Variants in FAM240B observed in about 807,000 individuals in gnomAD.
FAM240B encodes family with sequence similarity 240 member B, also known as protein FAM240B.
At chr9:38,698,224 C>CA (rs1294892279) in intron 2 of FAM240B, among the ~76,000 whole-genome samples, 10 of 151,698 alleles carry the variant, frequency 6.6e-5, no homozygotes, top group Non-Finnish European at 8.8e-5. Context: ...TTATAAATAG[C>CA]AAAAAAAATT....
At chr9:38,700,228 T>C (rs867667585) in intron 2 of FAM240B, among the ~76,000 whole-genome samples, 13 of 152,238 alleles carry the variant, frequency 8.5e-5, no homozygotes, top group African/African-American at 3.1e-4. Flanking sequence ...AAGTTTGAAA[T>C]AGCGATTTCA....
chr9:38,714,322 G>GT (rs1821287423), intron 1 of FAM240B, among the ~76,000 whole-genome samples: 1 of 152,110 alleles, frequency 6.6e-6, no homozygotes, highest in African/African-American at 2.4e-5. Flanking sequence ...ATTGATCAGT[G>GT]GTAAAAATGA....
intron 1 of FAM240B, among the ~76,000 whole-genome samples, chr9:38,708,574 G>T (rs1290836168): frequency 6.6e-6 from 1 of 152,168 alleles, no homozygotes; most frequent in Non-Finnish European, 1.5e-5. Flanking sequence ...GTGACTTTGA[G>T]CAAGAAAGCC....
At chr9:38,717,806 T>C (rs945164506) in intron 1 of FAM240B, among the ~76,000 whole-genome samples, 4 of 152,168 alleles carry the variant, frequency 2.6e-5, no homozygotes, top group Non-Finnish European at 5.9e-5. Flanking sequence ...TTTACACTGT[T>C]AGCAAAGATG....
chr9:38,716,717 T>C (rs965667280), intron 1 of FAM240B, among the ~76,000 whole-genome samples: 1 of 152,216 alleles, frequency 6.6e-6, no homozygotes, highest in African/African-American at 2.4e-5. Context: ...AAACTGCCAG[T>C]CCAGTGGCTA....
chr9:38,717,535 C>T (rs1821320999), intron 1 of FAM240B, among the ~76,000 whole-genome samples: 1 of 152,236 alleles, frequency 6.6e-6, no homozygotes, highest in Non-Finnish European at 1.5e-5. Context: ...GGCTGGAGTG[C>T]AGTGGCGCAA....
At chr9:38,709,873 A>T (rs1442032610) in intron 1 of FAM240B, among the ~76,000 whole-genome samples, 1 of 152,190 alleles carries the variant, frequency 6.6e-6, no homozygotes, top group East Asian at 1.9e-4. Context: ...AGAGGTGCAC[A>T]CTCACGTGCC....
At chr9:38,701,302 T>A (rs77701072) in intron 2 of FAM240B, among the ~76,000 whole-genome samples, 3,970 of 152,216 alleles carry the variant, frequency 0.026, 163 homozygotes, top group African/African-American at 0.09. Context: ...TATTACTTTG[T>A]TAGGACAATG....
chr9:38,697,040 G>T (rs887203047), intron 2 of FAM240B, among the ~76,000 whole-genome samples: 2 of 152,110 alleles, frequency 1.3e-5, no homozygotes, highest in African/African-American at 4.8e-5. Context: ...CCAAATACAT[G>T]ACTTTTGTCA....
intron 2 of FAM240B, among the ~76,000 whole-genome samples, chr9:38,702,227 T>C (rs1350991817): frequency 6.6e-6 from 1 of 152,162 alleles, no homozygotes; most frequent in Non-Finnish European, 1.5e-5. Flanking sequence ...TCTTCTAGCA[T>C]GTAGGAAGGC....
At chr9:38,705,612 T>C (rs889412664) in intron 1 of FAM240B, 3 of 149,466 alleles carry the variant, frequency 2.0e-5, no homozygotes, top group African/African-American at 7.4e-5. Context: ...AAAAAAAGCT[T>C]CAGAGAAGAA....
chr9:38,710,279 T>C (rs1334854349), intron 1 of FAM240B, among the ~76,000 whole-genome samples: 1 of 152,210 alleles, frequency 6.6e-6, no homozygotes, highest in Non-Finnish European at 1.5e-5. Flanking sequence ...TTGATGTCTT[T>C]TAAATTCCCT....
chr9:38,694,594 G>C lies in FAM240B; in HGVS notation c.*182C>G. 2.5e-6 allele frequency: 1 copy of C among 392,776 alleles called. No individual in the cohort carries two copies. The highest frequency in any genetic ancestry group is 4.5e-6 in the Non-Finnish European group (1 of 222,920). The allele number at this position is 392,776 out of a possible 1,614,324, so 24.3% of individuals were successfully genotyped here. A position where few individuals can be genotyped will look rare whatever the true frequency, so the allele number is the denominator to read the frequency against. On this transcript the variant is annotated 3_prime_UTR_variant, in exon 3 of 3. Coordinates refer to ENST00000637493, the MANE Select transcript of FAM240B (RefSeq NM_001394922.1). Reference sequence around the variant, plus strand: ...GGTCATCCTGTCCTCTGTGCGGAGGGGATTGAGCAGGATAATAACTCCCAT... The same window carrying C: ...GGTCATCCTGTCCTCTGTGCGGAGGCGATTGAGCAGGATAATAACTCCCAT...
At chr9:38,713,017 C>T (rs1442145510) in intron 1 of FAM240B, among the ~76,000 whole-genome samples, 2 of 152,172 alleles carry the variant, frequency 1.3e-5, no homozygotes, top group African/African-American at 2.4e-5. Context: ...GCAAGGGTCT[C>T]GCTTGGATCC....
At chr9:38,695,017 T>C in intron 2 of FAM240B, 148 bp from the exon 3 acceptor site, 2 of 394,112 alleles carry the variant, frequency 5.1e-6, no homozygotes, top group Non-Finnish European at 8.9e-6. Context: ...GTTCTCATTG[T>C]TCAACTCCCA....
chr9:38,716,332 C>G (rs1199794457), intron 1 of FAM240B, among the ~76,000 whole-genome samples: 2 of 152,124 alleles, frequency 1.3e-5, no homozygotes, highest in Non-Finnish European at 2.9e-5. Flanking sequence ...ATTAGCCAGG[C>G]ATGGTGCCCC....
At chr9:38,715,295 T>C (rs1209624884) in intron 1 of FAM240B, among the ~76,000 whole-genome samples, 4 of 152,212 alleles carry the variant, frequency 2.6e-5, no homozygotes, top group African/African-American at 9.6e-5. Flanking sequence ...ACTAAGTTTC[T>C]GTTTTCTCAT....
chr9:38,713,504 AAG>A (rs1821279003), intron 1 of FAM240B, among the ~76,000 whole-genome samples: 2 of 151,408 alleles, frequency 1.3e-5, no homozygotes, highest in African/African-American at 4.8e-5. Flanking sequence ...AAAAAAAAAA[AAG>A]AACTAGATTT....
chr9:38,698,128 G>A (rs975216297), intron 2 of FAM240B, among the ~76,000 whole-genome samples: 2 of 152,170 alleles, frequency 1.3e-5, no homozygotes, highest in Admixed American at 1.3e-4. Context: ...TTCCTTTTAT[G>A]ACCCTTGGTC....
Sources: gnomAD v4.1 joint callset for allele counts (sites outside exome capture counted in the v4.1 genomes callset) on GRCh38, gnomAD v4.1.1 for gene constraint, MANE v1.5 for transcripts, NCBI Gene and HGNC (gene_info 2026-07-23, HGNC 2026-07-21) for gene names.